PTPRN2: variants seen among roughly 807,000 people sequenced by gnomAD.
PTPRN2 encodes receptor-type tyrosine-protein phosphatase N2.
A neutral mutation model predicts 118.8 loss-of-function variants in PTPRN2; 74 were observed. The observed-to-expected ratio is 0.62, with a 90% CI of 0.52 to 0.76. The LOEUF (loss-of-function observed/expected upper bound fraction) is 0.76. PTPRN2 is among the 30% of genes least tolerant of loss of function. PTPRN2 has a pLI of 0.00. For synonymous variants in PTPRN2, 641 were observed against 608.0 expected (o/e 1.05, Z -0.80); for missense variants, 1,481 against 1,394.4 (o/e 1.06, Z -0.99).
intron 12 of PTPRN2, among the ~76,000 whole-genome samples, chr7:157,842,410 C>CTTTTTT (rs11316558): frequency 1.4e-4 from 13 of 93,234 alleles, no homozygotes; most frequent in African/African-American, 3.5e-4. Flanking sequence ...ATTCAGGAGA[C>CTTTTTT]TTTTTTTTTT....
intron 12 of PTPRN2, chr7:157,740,587 A>G (rs2907682): frequency 0.11 from 16,227 of 151,650 alleles, 1,135 homozygotes; most frequent in Admixed American, 0.21. Context: ...GGTAGTGCCC[A>G]GGGCAGGGGA....
chr7:157,847,626 T>C (rs1182419270), intron 12 of PTPRN2, among the ~76,000 whole-genome samples: 1 of 150,352 alleles, frequency 6.7e-6, no homozygotes, highest in Non-Finnish European at 1.5e-5. Context: ...TCTCACTCCA[T>C]CATGTGTGCC....
chr7:157,575,394 C>T (rs1336230323), intron 19 of PTPRN2, among the ~76,000 whole-genome samples: 1 of 152,202 alleles, frequency 6.6e-6, no homozygotes, highest in Admixed American at 6.5e-5. Flanking sequence ...GTACTCAGGA[C>T]TCTGGATCTA....
intron 11 of PTPRN2, among the ~76,000 whole-genome samples, chr7:158,075,389 C>T (rs1378154085): frequency 6.6e-6 from 1 of 152,132 alleles, no homozygotes; most frequent in Non-Finnish European, 1.5e-5. Flanking sequence ...GTCTCTCCGG[C>T]AGCCCAGGGG....
At chr7:158,309,599 T>C (rs965890921) in intron 3 of PTPRN2, among the ~76,000 whole-genome samples, 10 of 152,188 alleles carry the variant, frequency 6.6e-5, no homozygotes, top group African/African-American at 9.7e-5. Context: ...AAACCAAAGA[T>C]ATCAAAAGAT....
At chr7:157,962,121 G>C (rs1801585204) in intron 11 of PTPRN2, among the ~76,000 whole-genome samples, 1 of 152,260 alleles carries the variant, frequency 6.6e-6, no homozygotes, top group Admixed American at 6.5e-5. Context: ...TTTCAGTGAA[G>C]AAGAAAGTGG....
Position 157,834,195 on chromosome 7 carries a change from T to C in PTPRN2, c.1788+64478A>G, listed in dbSNP as rs1269144961. On this transcript the variant is annotated intron_variant, in intron 12 of 22. Coordinates refer to ENST00000389418, the MANE Select transcript of PTPRN2 (RefSeq NM_002847.5). ...AGCAGCACTCCCTGTGATCAATCCA[T>C]CAATTCCACCCACCAATCAGTGAGC... Among the ~76,000 whole-genome samples, 29 of 116,896 alleles carry C rather than the reference T, an allele frequency of 2.5e-4. 1 individual carries two copies. The highest frequency in any genetic ancestry group is 2.2e-3 in the Admixed American group (27 of 12,222). The allele number at this position is 116,896 out of a possible 152,430, so 76.7% of individuals were successfully genotyped here.
At chr7:158,293,469 G>A (rs113240810) in intron 3 of PTPRN2, among the ~76,000 whole-genome samples, 5 of 151,918 alleles carry the variant, frequency 3.3e-5, no homozygotes, top group African/African-American at 9.7e-5. Context: ...CCAGGTACTC[G>A]GGAGGCTGAG....
At chr7:158,116,447 C>T (rs906720158) in intron 9 of PTPRN2, among the ~76,000 whole-genome samples, 2 of 152,234 alleles carry the variant, frequency 1.3e-5, no homozygotes, top group Non-Finnish European at 2.9e-5. Context: ...TCAATGTCAG[C>T]TTTCATCACA....
intron 12 of PTPRN2, among the ~76,000 whole-genome samples, chr7:157,689,557 T>A (rs1339873001): frequency 6.6e-6 from 1 of 152,182 alleles, no homozygotes. Flanking sequence ...AGATTTTAAC[T>A]CTAACTTGGG....
intron 2 of PTPRN2, among the ~76,000 whole-genome samples, chr7:158,337,304 G>A (rs549665198): frequency 2.5e-4 from 35 of 137,842 alleles, no homozygotes; most frequent in Non-Finnish European, 3.4e-4. Flanking sequence ...GAGCTGTCAC[G>A]CACAGACATC....
intron 2 of PTPRN2, among the ~76,000 whole-genome samples, chr7:158,336,317 C>T (rs1438691533): frequency 8.3e-5 from 12 of 145,144 alleles, no homozygotes; most frequent in African/African-American, 3.1e-4. Context: ...CACACTCTCA[C>T]CATAAGAGGT....
At chr7:158,038,728 T>C (rs555474960) in intron 11 of PTPRN2, among the ~76,000 whole-genome samples, 1 of 147,508 alleles carries the variant, frequency 6.8e-6, no homozygotes, top group East Asian at 1.9e-4. Context: ...ATATGTAGTA[T>C]TTATATTAGA....
At chr7:157,942,242 C>A (rs1354578336) in intron 11 of PTPRN2, among the ~76,000 whole-genome samples, 1 of 151,914 alleles carries the variant, frequency 6.6e-6, no homozygotes, top group African/African-American at 2.4e-5. Flanking sequence ...CTCGGCACGC[C>A]TTTCCAGAGG....
chr7:158,049,137 A>C (rs867692687), intron 11 of PTPRN2, among the ~76,000 whole-genome samples: 118 of 129,274 alleles, frequency 9.1e-4, no homozygotes, highest in African/African-American at 3.2e-3. Context: ...TATCATCATC[A>C]TCATCACATC....
chr7:158,331,241 T>A (rs1194518314), intron 2 of PTPRN2, among the ~76,000 whole-genome samples: 1 of 147,828 alleles, frequency 6.8e-6, no homozygotes, highest in South Asian at 2.1e-4. Context: ...CCCGCAGACG[T>A]CACTCACACC....
chr7:157,847,702 G>C (rs4716790), intron 12 of PTPRN2, among the ~76,000 whole-genome samples: 89,357 of 125,062 alleles, frequency 0.71, 32,006 homozygotes, highest in East Asian at 0.96. Flanking sequence ...TTTACAGAGC[G>C]CTCTCTCACT....
At chr7:158,287,536 CAA>C (rs1296472607) in intron 3 of PTPRN2, among the ~76,000 whole-genome samples, 5 of 152,176 alleles carry the variant, frequency 3.3e-5, no homozygotes, top group South Asian at 4.2e-4. Context: ...TTATTTATCT[CAA>C]GAGATCTTTT....
At chr7:158,184,902 G>T (rs942923732) in intron 5 of PTPRN2, among the ~76,000 whole-genome samples, 2 of 152,216 alleles carry the variant, frequency 1.3e-5, no homozygotes, top group African/African-American at 4.8e-5. Flanking sequence ...TAAGTGGAAA[G>T]CATTCAGCCC....
Sources: allele counts gnomAD v4.1 joint callset (sites outside exome capture counted in the v4.1 genomes callset), GRCh38; gene constraint gnomAD v4.1.1; transcripts MANE v1.5; gene names NCBI Gene and HGNC (gene_info 2026-07-23, HGNC 2026-07-21).